PLEC: variants seen among roughly 807,000 people sequenced by gnomAD.
PLEC encodes the protein hemidesmosomal protein 1.
Under a neutral mutation model 392.8 loss-of-function variants are expected in PLEC, and 216 were observed. The observed-to-expected ratio is 0.55, with a 90% CI of 0.49 to 0.62. PLEC has a LOEUF of 0.62. Ranked by LOEUF, PLEC falls within the 20% of genes least tolerant of loss-of-function variation. PLEC has a pLI of 0.00. For synonymous variants in PLEC, 3,621 were observed against 2,980.6 expected, an observed-to-expected ratio of 1.21 and a Z score of -7.00; for missense variants, 6,863 against 6,563.4, an observed-to-expected ratio of 1.05 and a Z score of -1.58.
At chr8:143,935,449 G>C (rs924029911) in intron 6 of PLEC, 136 bp from the exon 7 acceptor site, 2 of 714,910 alleles carry the variant, frequency 2.8e-6, no homozygotes, top group African/African-American at 3.5e-5. Flanking sequence ...AAAATACACT[G>C]TCACATGGGC....
chr8:143,949,908 G>C (rs1831937917), intron 1 of PLEC, among the ~76,000 whole-genome samples: 1 of 152,152 alleles, frequency 6.6e-6, no homozygotes, highest in Non-Finnish European at 1.5e-5. Context: ...GGCAGTGTTG[G>C]AGAGAGGGGA....
At chr8:143,948,675 G>A (rs376694088) in intron 1 of PLEC, among the ~76,000 whole-genome samples, 2 of 152,192 alleles carry the variant, frequency 1.3e-5, no homozygotes, top group Non-Finnish European at 2.9e-5. Context: ...GGTGCCCTCC[G>A]CTCTGCCTGC....
At chr8:143,954,337 C>CG (rs57133948), upstream of PLEC, among the ~76,000 whole-genome samples, 69,151 of 151,914 alleles carry the variant, frequency 0.46, 17,118 homozygotes, top group African/African-American at 0.65. The surrounding 1 kb of genome is among the most constrained non-coding windows in gnomAD (Gnocchi z 4.6). Context: ...GCCCCTTCCC[C>CG]GGGCGTCTCG....
In PLEC at chr8:143,921,378, C is replaced by T. The variant is rs374195278; in HGVS notation, c.8443G>A (p.Val2815Ile). The T allele has an allele frequency of 3.3e-5, 54 of 1,613,346 alleles. No individual in the cohort carries two copies. Among genetic ancestry groups the T allele is most frequent in the Admixed American group, 2.2e-4 (13 of 60,002 alleles). ...LLEAQIATGG[V>I]IDPVHSHRVP... ...CGGTGGCTGTGCACGGGGTCGATAA[C>T]GCCGCCCGTGGCGATCTGGGCCTCC... is the stretch of plus-strand genomic sequence containing the variant. The change falls in exon 32 of 32, where the codon GTT becomes ATT. Residue 2815 changes from valine (V) to isoleucine (I), a missense_variant. Val to Ile is a conservative substitution (Grantham distance 29, BLOSUM62 3). Transcript: ENST00000345136.
chr8:143,942,951 G>T (rs548051452), upstream of PLEC, among the ~76,000 whole-genome samples: 2 of 152,304 alleles, frequency 1.3e-5, no homozygotes, highest in African/African-American at 4.8e-5. Context: ...GACCGTGGCC[G>T]AAGGGGGCAA....
chr8:143,934,536 A>G, intron 10 of PLEC, 91 bp from the exon 11 acceptor site: 1 of 1,597,162 alleles, frequency 6.3e-7, no homozygotes, highest in Non-Finnish European at 8.6e-7. Flanking sequence ...GACCTGGGAC[A>G]GCCCTGGTCC....
At chr8:143,946,273 G>T in intron 1 of PLEC, 1 of 1,094,774 alleles carries the variant, frequency 9.1e-7, no homozygotes, top group Non-Finnish European at 1.2e-6. Context: ...GGTGGACAAC[G>T]GGAAGAGACA....
chr8:143,921,973 A>G lies in PLEC; in HGVS notation c.7848T>C (p.Thr2616=), dbSNP rs1822930151. 2 of 1,598,824 alleles carry G rather than the reference A, an allele frequency of 1.3e-6. No individual in the cohort carries two copies. Among genetic ancestry groups the G allele is most frequent in the East Asian group, 2.2e-5 (1 of 44,870 alleles). ...RAALAHSEEV[T]ASQVAATKTL... ...TCTTTGTGGCAGCCACCTGCGAGGC[A>G]GTGACCTCCTCTGAGTGCGCCAGCG... Residue 2616 remains threonine (T), a synonymous_variant, in exon 32 of 32, where the codon ACT becomes ACC. Coordinates refer to ENST00000345136, the MANE Select transcript of PLEC (RefSeq NM_201384.3).
upstream of PLEC, chr8:143,953,777 C>T (rs1412060416): frequency 6.2e-7 from 1 of 1,611,988 alleles, no homozygotes; most frequent in African/African-American, 1.3e-5. Context: ...TCCATGTCTG[C>T]GCCGGGGCTG....
chr8:143,927,556 G>T lies in PLEC; in HGVS notation c.3610C>A (p.Gln1204Lys). The change falls in exon 27 of 32, where the codon CAA (glutamine) becomes AAA (lysine). Residue 1204 changes from glutamine to lysine, a missense_variant. Physicochemically the swap from Gln to Lys is moderately conservative, Grantham distance 53. Coordinates refer to ENST00000345136, the MANE Select transcript of PLEC (RefSeq NM_201384.3). Reference sequence around the variant, plus strand: ...TAGTAACGCAGCTGGCGGCCCAGTTGCTCGAGCTCGCGCTGCCGCACGTCG... The same window carrying T: ...TAGTAACGCAGCTGGCGGCCCAGTTTCTCGAGCTCGCGCTGCCGCACGTCG... ...QTDVRQRELE[Q>K]LGRQLRYYRE... The T allele has an allele frequency of 6.3e-7, 1 of 1,593,784 alleles. No individual in the cohort carries two copies. Among genetic ancestry groups the T allele is most frequent in the East Asian group, 2.2e-5 (1 of 44,460 alleles).
chr8:143,968,530 A>AAAAAAAAAAG (rs1554743067), intron 1 of PLEC, among the ~76,000 whole-genome samples: 1,040 of 83,600 alleles, frequency 0.012, 36 homozygotes, highest in African/African-American at 0.04. Context: ...ACTCCATCTC[A>AAAAAAAAAAG]AAAAAAAAAA....
At position 143,923,143 on chromosome 8, in the gene PLEC, C is replaced by A. The variant is rs373922545; in HGVS notation, c.6786G>T (p.Thr2262=). The A allele has an allele frequency of 2.5e-6, 4 of 1,603,302 alleles. No homozygotes were observed. The highest frequency in any genetic ancestry group is 3.4e-6 in the Non-Finnish European group (4 of 1,179,872). ...CAGCCTCCTCCTGCAGGAAGCGCTGCGTATTGTCCTTGTCACGCAAGATGA... is the reference window on the plus strand; with the variant it reads ...CAGCCTCCTCCTGCAGGAAGCGCTGAGTATTGTCCTTGTCACGCAAGATGA... The part of the protein sequence containing the change: ...RALILRDKDN[T]QRFLQEEAEK... Residue 2262 remains threonine, a synonymous_variant, in exon 31 of 32, where the codon ACG becomes ACT. Transcript: ENST00000345136.
chr8:143,920,908 C>T lies in PLEC; in HGVS notation c.8913G>A (p.Arg2971=). The T allele has an allele frequency of 1.9e-6, 3 of 1,612,412 alleles. No individual in the cohort carries two copies. Among genetic ancestry groups the T allele is most frequent in the Non-Finnish European group, 2.5e-6 (3 of 1,180,026 alleles). ...GGCTGCGCAGGCCCTCAAAGCAAAG[C>T]CGGCCCTTCTGCTCCTGCTCCTCCA... ...TVVEEQEQKG[R]LCFEGLRSLV... The change falls in exon 32 of 32, where the codon CGG becomes CGA. Residue 2971 remains arginine, a synonymous_variant. Coordinates refer to ENST00000345136, the MANE Select transcript of PLEC (RefSeq NM_201384.3).
chr8:143,949,665 AC>A (rs1831898737), intron 1 of PLEC, among the ~76,000 whole-genome samples: 1 of 152,088 alleles, frequency 6.6e-6, no homozygotes, highest in Non-Finnish European at 1.5e-5. Context: ...CCCAGCCACC[AC>A]CAAGTCCAAG....
In PLEC at chr8:143,923,418, T is replaced by C. The variant is rs1554692271; in HGVS notation, c.6511A>G (p.Lys2171Glu). 1 of 1,610,708 alleles carries C rather than the reference T, an allele frequency of 6.2e-7. No homozygotes were observed. Among genetic ancestry groups the C allele is most frequent in the Non-Finnish European group, 8.5e-7 (1 of 1,179,824 alleles). Reference protein sequence around the residue: ...QAADAEMEKHKKFAEQTLRQK... With the variant: ...QAADAEMEKHEKFAEQTLRQK... ...CGCAGCGTCTGCTCGGCGAATTTCTTATGCTTCTCCATCTCCGCGTCAGCT... is the reference window on the plus strand; with the variant it reads ...CGCAGCGTCTGCTCGGCGAATTTCTCATGCTTCTCCATCTCCGCGTCAGCT... Residue 2171 changes from lysine (K) to glutamate (E), a missense_variant, in exon 31 of 32, where the codon AAG becomes GAG. Physicochemically the swap from Lys to Glu is moderately conservative, Grantham distance 56 (BLOSUM62 1). Transcript: ENST00000345136.
intron 1 of PLEC, among the ~76,000 whole-genome samples, chr8:143,949,570 C>T (rs1554734293): frequency 6.6e-6 from 1 of 152,194 alleles, no homozygotes; most frequent in Non-Finnish European, 1.5e-5. Flanking sequence ...GGCCAGCAGA[C>T]ACCACACCAC....
chr8:143,962,334 T>G (rs1832906868), intron 1 of PLEC, among the ~76,000 whole-genome samples: 1 of 152,220 alleles, frequency 6.6e-6, no homozygotes, highest in African/African-American at 2.4e-5. Flanking sequence ...TCTTCCCGGG[T>G]GCCTTCGGAG....
At chr8:143,935,723 G>A (rs577592729) in intron 6 of PLEC, 125 bp downstream of exon 6, 59 of 1,042,336 alleles carry the variant, frequency 5.7e-5, no homozygotes, top group South Asian at 1.1e-4. Context: ...ACCCCGAGGC[G>A]GCCAGCTGGC....
At position 143,924,014 on chromosome 8, in the gene PLEC, T is replaced by C. The variant is rs1554695284; in HGVS notation, c.5915A>G (p.Gln1972Arg). The change falls in exon 31 of 32, where the codon CAG becomes CGG. Residue 1972 changes from glutamine (Q) to arginine (R), a missense_variant. Physicochemically the swap from Gln to Arg is conservative, Grantham distance 43. Transcript: ENST00000345136. The part of the protein sequence containing the change: ...KEQAELEAAR[Q>R]RQLAAEEERR... The stretch of plus-strand genomic sequence containing the variant: ...CTCCTCCTCCGCCGCCAGCTGCCGC[T>C]GCCTCGCAGCCTCCAGCTCGGCCTG... 6.3e-7 allele frequency: 1 copy of C among 1,588,668 alleles called. No homozygotes were observed. The highest frequency in any genetic ancestry group is 1.1e-5 in the South Asian group (1 of 90,030).
Sources: gnomAD v4.1 joint callset for allele counts (sites outside exome capture counted in the v4.1 genomes callset) on GRCh38, gnomAD v4.1.1 for gene constraint, Gnocchi (gnomAD v3.1) non-coding constraint, MANE v1.5 for transcripts, NCBI Gene and HGNC (gene_info 2026-07-23, HGNC 2026-07-21) for gene names.